SFRP1: variants seen among roughly 807,000 people sequenced by gnomAD.
The protein encoded by SFRP1 is secreted frizzled related protein 1.
In SFRP1, 9 loss-of-function variants were observed where a neutral mutation model predicts 25.9. That is an observed-to-expected ratio of 0.35 (90% CI 0.21 to 0.61). The LOEUF (loss-of-function observed/expected upper bound fraction) is 0.61. SFRP1 is among the 20% of genes least tolerant of loss of function. SFRP1 has a pLI of 0.78. For missense variants in SFRP1, 346 were observed against 418.2 expected, an observed-to-expected ratio of 0.83 and a Z score of 1.51; for synonymous variants, 178 against 174.0, an observed-to-expected ratio of 1.02 and a Z score of -0.18.
At chr8:41,279,988 T>C (rs1302878189) in intron 2 of SFRP1, among the ~76,000 whole-genome samples, 2 of 152,236 alleles carry the variant, frequency 1.3e-5, no homozygotes, top group Non-Finnish European at 2.9e-5. Context: ...CTAGGCTTTA[T>C]GTCAATAGCA....
intron 2 of SFRP1, among the ~76,000 whole-genome samples, 159 bp from the exon 3 acceptor site, chr8:41,265,648 C>G (rs1019429943): frequency 6.6e-6 from 1 of 152,012 alleles, no homozygotes; most frequent in Middle Eastern, 3.4e-3. Flanking sequence ...ATTTTAGATT[C>G]AGGGGCACAG....
chr8:41,307,058 G>GC, intron 1 of SFRP1: 1 of 1,402,806 alleles, frequency 7.1e-7, no homozygotes. Context: ...GCTGGGCACA[G>GC]CCTCACAGGG....
intron 2 of SFRP1, among the ~76,000 whole-genome samples, chr8:41,299,844 C>A (rs1447320721): frequency 6.6e-6 from 1 of 151,974 alleles, no homozygotes; most frequent in Non-Finnish European, 1.5e-5. Context: ...CACATTTCTG[C>A]AAGAAGTATG....
At position 41,264,969 on chromosome 8, in the gene SFRP1, C is replaced by G; in HGVS notation, c.*198G>C. The G allele has an allele frequency of 1.8e-6, 1 of 555,858 alleles. No homozygotes were observed. Among genetic ancestry groups the G allele is most frequent in the Non-Finnish European group, 3.2e-6 (1 of 315,580 alleles). 34.4% of individuals were successfully genotyped at this position (555,858 alleles called of 1,614,324 possible). A position where few individuals can be genotyped will look rare whatever the true frequency, so the allele number is the denominator to read the frequency against. ...TAATCTAAATGGCCCTTGCTTTACC[C>G]GGCCATGGCTACCCTGGGGTTTGGA... On this transcript the variant is annotated 3_prime_UTR_variant, in exon 3 of 3. Coordinates refer to ENST00000220772, the MANE Select transcript of SFRP1 (RefSeq NM_003012.5).
At chr8:41,277,756 C>T (rs1414487815) in intron 2 of SFRP1, among the ~76,000 whole-genome samples, 1 of 152,178 alleles carries the variant, frequency 6.6e-6, no homozygotes, top group Non-Finnish European at 1.5e-5. Flanking sequence ...GCATGAGCCA[C>T]CACACCACCT....
At chr8:41,274,756 T>C (rs1488430522) in intron 2 of SFRP1, among the ~76,000 whole-genome samples, 5 of 152,220 alleles carry the variant, frequency 3.3e-5, no homozygotes, top group Admixed American at 3.3e-4. Context: ...TTCATTCCAA[T>C]TTAACTTTTT....
rs1803552201 is a variant in SFRP1, at chr8:41,274,824, A to G, written c.623-9335T>C. On this transcript the variant is annotated intron_variant, in intron 2 of 2. Transcript: ENST00000220772. ...ATTTAAAAAACTTAGTCTAATAAAG[A>G]ATGTCAGTGTATATAAAATATAAAT... 2.0e-5 allele frequency among the ~76,000 whole-genome samples: 3 copies of G among 152,332 alleles called. No individual in the cohort carries two copies. The Middle Eastern group carries it at 0.01, about 518-fold the overall frequency.
At chr8:41,273,105 C>A (rs1803531314) in intron 2 of SFRP1, among the ~76,000 whole-genome samples, 1 of 152,196 alleles carries the variant, frequency 6.6e-6, no homozygotes, top group Admixed American at 6.5e-5. Context: ...CAGGCATTAA[C>A]AGGTTTTAAA....
At chr8:41,271,359 T>C (rs1342707532) in intron 2 of SFRP1, 1 of 152,830 alleles carries the variant, frequency 6.5e-6, no homozygotes, top group African/African-American at 2.4e-5. Context: ...AATTCAGAGA[T>C]AACAGAGACA....
rs988697987 is a variant in SFRP1 at position 41,275,052 on chromosome 8, T to G, written c.623-9563A>C. The stretch of plus-strand genomic sequence containing the variant: ...AGGAGGAGGGAGGCAGTCCACTGAT[T>G]TAGTCAATCCCCATCATTTTTCAGA... On this transcript the variant is annotated intron_variant, in intron 2 of 2. Transcript: ENST00000220772. 18 of 299,966 alleles carry G rather than the reference T, an allele frequency of 6.0e-5. No homozygotes were observed. The Admixed American group carries it at 8.1e-4, about 13-fold the overall frequency. 18.6% of individuals were successfully genotyped at this position (299,966 alleles called of 1,614,324 possible).
intron 2 of SFRP1, among the ~76,000 whole-genome samples, chr8:41,302,778 T>C (rs1803940478): frequency 6.6e-6 from 1 of 151,618 alleles, no homozygotes; most frequent in African/African-American, 2.4e-5. Context: ...GCCCCTGGCA[T>C]CTCCCCCACC....
intron 2 of SFRP1, among the ~76,000 whole-genome samples, chr8:41,293,817 G>A (rs2117508667): frequency 6.6e-6 from 1 of 152,244 alleles, no homozygotes; most frequent in South Asian, 2.1e-4. Flanking sequence ...CTCAGACCCA[G>A]GCTGGAGTGC....
intron 2 of SFRP1, chr8:41,271,119 C>T (rs1803500234): frequency 6.5e-6 from 1 of 154,172 alleles, no homozygotes; most frequent in Non-Finnish European, 1.5e-5. Flanking sequence ...ACCGTAGTTA[C>T]TTCTGCATCA....
chr8:41,292,403 T>C lies in SFRP1; in HGVS notation c.622+11058A>G, dbSNP rs953535576. On this transcript the variant is annotated intron_variant, in intron 2 of 2. Coordinates refer to ENST00000220772, the MANE Select transcript of SFRP1 (RefSeq NM_003012.5). The stretch of plus-strand genomic sequence containing the variant: ...AGTGAGTTCTCACAAGAGCTGATGG[T>C]TTTATAAGGGGATCTTCCCCCTTCA... Among the ~76,000 whole-genome samples the C allele has an allele frequency of 3.9e-4, 59 of 152,194 alleles. 1 individual carries two copies. The highest frequency in any genetic ancestry group is 2.8e-3 in the Admixed American group (43 of 15,298).
intron 2 of SFRP1, among the ~76,000 whole-genome samples, chr8:41,282,453 C>T (rs570623157): frequency 1.3e-5 from 2 of 152,170 alleles, no homozygotes; most frequent in African/African-American, 4.8e-5. Flanking sequence ...GTCAAAGCTA[C>T]AGTGAGCTAA....
At chr8:41,301,867 T>C (rs1390505624) in intron 2 of SFRP1, among the ~76,000 whole-genome samples, 2 of 152,166 alleles carry the variant, frequency 1.3e-5, no homozygotes, top group East Asian at 3.8e-4. Context: ...GCTGGCTGAT[T>C]TGGCAGGTGC....
chr8:41,279,063 T>G (rs1452777596), intron 2 of SFRP1, among the ~76,000 whole-genome samples: 3 of 152,048 alleles, frequency 2.0e-5, no homozygotes, highest in African/African-American at 7.2e-5. Context: ...AGCAGAGCTC[T>G]GCATGAGAAT....
chr8:41,302,185 C>A (rs1287249083), intron 2 of SFRP1, among the ~76,000 whole-genome samples: 1 of 152,198 alleles, frequency 6.6e-6, no homozygotes, highest in Non-Finnish European at 1.5e-5. Context: ...ACAAGTAACT[C>A]ACACTGCTGC....
rs1032481231 is a variant in SFRP1 at position 41,308,650 on chromosome 8, C to T, written c.510G>A (p.Thr170=). The part of the protein sequence containing the change: ...FPEGDVCIAM[T]PPNATEASKP... ...TGGAGGCTTCGGTGGCATTGGGCGG[C>T]GTCATGGCGATGCAGACGTCCCCCT... is the stretch of plus-strand genomic sequence containing the variant. The change falls in exon 1 of 3, where the codon ACG becomes ACA. Residue 170 remains threonine, a synonymous_variant. Transcript: ENST00000220772. 24 of 1,608,010 alleles carry T rather than the reference C, an allele frequency of 1.5e-5. No homozygotes were observed. The highest frequency in any genetic ancestry group is 5.3e-5 in the African/African-American group (4 of 74,806).
Sources: gnomAD v4.1 joint callset for allele counts (sites outside exome capture counted in the v4.1 genomes callset) on GRCh38, gnomAD v4.1.1 for gene constraint, MANE v1.5 for transcripts, NCBI Gene and HGNC (gene_info 2026-07-23, HGNC 2026-07-21) for gene names.